INPP5B: variants seen among roughly 807,000 people sequenced by gnomAD.
INPP5B encodes the protein inositol polyphosphate-5-phosphatase B, also known as type II inositol 1,4,5-trisphosphate 5-phosphatase.
A neutral mutation model predicts 118.5 loss-of-function variants in INPP5B; 90 were observed. The ratio of observed to expected loss-of-function variants is 0.76; its 90% CI spans 0.64 to 0.90. The LOEUF (loss-of-function observed/expected upper bound fraction) is 0.90. Among genes scored for constraint, INPP5B ranks in the 40% least tolerant of loss-of-function variants. INPP5B has a pLI of 0.00. For missense variants in INPP5B, 984 were observed against 1,125.6 expected, an observed-to-expected ratio of 0.87 and a Z score of 1.80; for synonymous variants, 385 against 418.9, an observed-to-expected ratio of 0.92 and a Z score of 0.99.
chr1:37,929,752 G>A (rs1645378388), intron 7 of INPP5B: 2 of 149,378 alleles, frequency 1.3e-5, no homozygotes, highest in Admixed American at 6.7e-5. Context: ...TTTTTTTTTC[G>A]AGATGGAGTC....
At chr1:37,924,486 A>G (rs1185757654) in intron 7 of INPP5B, among the ~76,000 whole-genome samples, 1 of 151,848 alleles carries the variant, frequency 6.6e-6, no homozygotes, top group African/African-American at 2.4e-5. Flanking sequence ...CCCATTTCTA[A>G]TTGTATTTCC....
intron 7 of INPP5B, among the ~76,000 whole-genome samples, chr1:37,895,486 TCTCCCC>T (rs898375624): frequency 6.6e-6 from 1 of 151,214 alleles, no homozygotes; most frequent in Non-Finnish European, 1.5e-5. Flanking sequence ...TCCCTCTCCC[TCTCCCC>T]CTCCCCCTCC....
At position 37,880,102 on chromosome 1, in the gene INPP5B, A is replaced by G; in HGVS notation, c.1524T>C (p.Ser508=). 1.2e-6 allele frequency: 2 copies of G among 1,608,228 alleles called. No homozygotes were observed. The highest frequency in any genetic ancestry group is 4.5e-5 in the East Asian group (2 of 44,814). Residue 508 remains serine, a synonymous_variant, in exon 15 of 24, where the codon TCT becomes TCC. Transcript: ENST00000373024. ...FQPTYKYDTG[S]DDWDTSEKCR... is the part of the protein sequence containing the mutation. ...TGACCTACCTGGTATCCCAGTCGTC[A>G]GAGCCCGTATCATACTTGTAAGTAG...
At chr1:37,896,505 G>A (rs1325484199) in intron 7 of INPP5B, among the ~76,000 whole-genome samples, 215 of 145,346 alleles carry the variant, frequency 1.5e-3, no homozygotes, top group African/African-American at 5.1e-3. Context: ...CAGCCGCCCC[G>A]TCCGGCAGGT....
At chr1:37,896,968 T>A (rs535281628) in intron 7 of INPP5B, among the ~76,000 whole-genome samples, 1 of 97,616 alleles carries the variant, frequency 1.0e-5, no homozygotes, top group East Asian at 3.9e-4. Context: ...AGCCGCCCCG[T>A]CCGGGAGGGA....
At chr1:37,863,702 CACACAT>C (rs1326337896) in intron 23 of INPP5B, among the ~76,000 whole-genome samples, 2 of 151,574 alleles carry the variant, frequency 1.3e-5, no homozygotes, top group Non-Finnish European at 2.9e-5. Context: ...CACACACACA[CACACAT>C]GCACACACAA....
At chr1:37,913,125 CG>C (rs1335397373) in intron 7 of INPP5B, among the ~76,000 whole-genome samples, 2 of 151,994 alleles carry the variant, frequency 1.3e-5, no homozygotes, top group African/African-American at 4.8e-5. Flanking sequence ...GGCGTGGTGG[CG>C]GGTGCCTGTA....
At chr1:37,878,463 A>G in intron 15 of INPP5B, 140 bp from the exon 16 acceptor site, 1 of 1,457,218 alleles carries the variant, frequency 6.9e-7, no homozygotes, top group Non-Finnish European at 9.1e-7. Flanking sequence ...AGCAAGAGCA[A>G]TTCGGGCCCA....
chr1:37,868,741 A>G, intron 19 of INPP5B, 127 bp from the exon 20 acceptor site: 2 of 679,378 alleles, frequency 2.9e-6, no homozygotes, highest in South Asian at 3.2e-5. Flanking sequence ...CATTCCACAG[A>G]CAGAAATGAA....
At chr1:37,918,484 C>G (rs970357453) in intron 7 of INPP5B, among the ~76,000 whole-genome samples, 3 of 152,208 alleles carry the variant, frequency 2.0e-5, no homozygotes, top group African/African-American at 7.2e-5. Context: ...AGCCTCAACT[C>G]CCACCTCCTC....
At chr1:37,918,079 C>T (rs1006811071) in intron 7 of INPP5B, among the ~76,000 whole-genome samples, 23 of 152,180 alleles carry the variant, frequency 1.5e-4, no homozygotes, top group African/African-American at 3.9e-4. Flanking sequence ...GTCTTGCCAT[C>T]GGCTCACCTC....
At chr1:37,875,533 G>A in intron 17 of INPP5B, 73 bp downstream of exon 17, 2 of 1,155,160 alleles carry the variant, frequency 1.7e-6, no homozygotes, top group Non-Finnish European at 2.6e-6. Context: ...CTCCCAAAGT[G>A]CTGGGATTAC....
rs74914082 is a variant in INPP5B at position 37,893,483 on chromosome 1, G to A, written c.533-2029C>T. Among the ~76,000 whole-genome samples, 424 of 152,108 alleles carry A rather than the reference G, an allele frequency of 2.8e-3. 3 individuals carry two copies. The highest frequency in any genetic ancestry group is 4.6e-3 in the Non-Finnish European group (311 of 67,992). ...TAAGACACCAAAGCCTTTCAATTTT[G>A]CTTCCTAAATGCCTCTCAAACCAAT... is the stretch of plus-strand genomic sequence containing the variant. On this transcript the variant is annotated intron_variant, in intron 7 of 23. Transcript: ENST00000373024.
chr1:37,919,691 G>C (rs1397311061), intron 7 of INPP5B, among the ~76,000 whole-genome samples: 1 of 152,152 alleles, frequency 6.6e-6, no homozygotes, highest in East Asian at 1.9e-4. Context: ...AGCACTTTGG[G>C]AAGCCGGGAA....
chr1:37,915,422 C>T (rs1225691710), intron 7 of INPP5B, among the ~76,000 whole-genome samples: 1 of 152,206 alleles, frequency 6.6e-6, no homozygotes, highest in Non-Finnish European at 1.5e-5. Context: ...TATAAATAGT[C>T]TCATGTCAGT....
intron 3 of INPP5B, 147 bp from the exon 4 acceptor site, chr1:37,944,040 C>G: frequency 1.5e-6 from 1 of 650,802 alleles, no homozygotes; most frequent in Non-Finnish European, 2.8e-6. Context: ...CATGCCATCT[C>G]TGTCTGTGGT....
intron 6 of INPP5B, among the ~76,000 whole-genome samples, chr1:37,933,174 C>A (rs80127787): frequency 0.015 from 2,239 of 152,274 alleles, 39 homozygotes; most frequent in African/African-American, 0.04. Flanking sequence ...TACTTGGCCT[C>A]GTCTGATCCT....
At chr1:37,885,328 G>A (rs544836671) in intron 13 of INPP5B, among the ~76,000 whole-genome samples, 4 of 152,048 alleles carry the variant, frequency 2.6e-5, no homozygotes, top group African/African-American at 4.8e-5. Context: ...GCAGGAGAAC[G>A]GTATGAACCT....
rs762656117 is a variant in INPP5B, at chr1:37,865,743, C to T, written c.2514+18G>A. The stretch of plus-strand genomic sequence containing the variant: ...GGGGTCTGGGGCTAACCACATGCTG[C>T]TCAATGCTTCCTCTCACCTGTTTGC... On this transcript the variant is annotated intron_variant, in intron 22 of 23. Coordinates refer to ENST00000373024, the MANE Select transcript of INPP5B (RefSeq NM_005540.3). 4 of 1,611,038 alleles carry T rather than the reference C, an allele frequency of 2.5e-6. No homozygotes were observed. The East Asian group carries it at 6.7e-5, about 27-fold the overall frequency.
Sources: gnomAD v4.1 joint callset for allele counts (sites outside exome capture counted in the v4.1 genomes callset) on GRCh38, gnomAD v4.1.1 for gene constraint, MANE v1.5 for transcripts, NCBI Gene and HGNC (gene_info 2026-07-23, HGNC 2026-07-21) for gene names.